Variants in SNX13 observed in about 807,000 individuals in gnomAD.
SNX13 encodes sorting nexin-13.
Under a neutral mutation model 133.6 loss-of-function variants are expected in SNX13, and 45 were observed. The observed-to-expected ratio is 0.34, with a 90% confidence interval of 0.27 to 0.43. The LOEUF (loss-of-function observed/expected upper bound fraction) is 0.43. Among genes scored for constraint, SNX13 ranks in the 20% least tolerant of loss-of-function variants. SNX13 has a pLI of 1.00. For synonymous variants in SNX13, 414 were observed against 373.9 expected, an observed-to-expected ratio of 1.11 and a Z score of -1.24; for missense variants, 1,032 against 1,145.1, an observed-to-expected ratio of 0.90 and a Z score of 1.43.
chr7:17,880,997 G>C (rs897601509), intron 5 of SNX13: 2 of 152,062 alleles, frequency 1.3e-5, no homozygotes, highest in Non-Finnish European at 2.9e-5. Flanking sequence ...TCGCTTGGCA[G>C]TAAAGGCGAT....
intron 11 of SNX13, among the ~76,000 whole-genome samples, chr7:17,847,062 T>C (rs1583460041): frequency 6.6e-6 from 1 of 152,050 alleles, no homozygotes; most frequent in East Asian, 1.9e-4. Context: ...GGATTCAATA[T>C]CAAAAAGTGC....
At chr7:17,929,855 T>TTAGTA (rs2128046015) in intron 1 of SNX13, among the ~76,000 whole-genome samples, 1 of 152,332 alleles carries the variant, frequency 6.6e-6, no homozygotes, top group East Asian at 1.9e-4. Context: ...AATCTCACTC[T>TTAGTA]TAGTATTCAC....
At position 17,816,303 on chromosome 7, in the gene SNX13, T is replaced by C. The variant is rs751421931; in HGVS notation, c.1846-14A>G. On this transcript the variant is annotated splice_polypyrimidine_tract_variant and intron_variant, in intron 18 of 25. Transcript: ENST00000428135. ...GAGACTTTCAAACTGTAAGACAAAA[T>C]ACATTCAATAGCACTTTTTATAAAG... The C allele has an allele frequency of 2.0e-6, 3 of 1,530,182 alleles. No individual in the cohort carries two copies. Among genetic ancestry groups the C allele is most frequent in the East Asian group, 4.9e-5 (2 of 40,562 alleles). 94.8% of individuals were successfully genotyped at this position (1,530,182 alleles called of 1,614,324 possible). A position where few individuals can be genotyped will look rare whatever the true frequency, so the allele number is the denominator to read the frequency against.
rs540653730 is a variant in SNX13 at position 17,827,889 on chromosome 7, G to C, written c.1636-1798C>G. Among the ~76,000 whole-genome samples, 5 of 151,922 alleles carry C rather than the reference G, an allele frequency of 3.3e-5. No homozygotes were observed. In the East Asian group the frequency reaches 9.7e-4, roughly 29 times the overall value. Reference sequence around the variant, plus strand: ...TAGAAGACTCAGAGGAAATGGAACAGTCTACCAAATTCATATTATCTACTA... The same window carrying C: ...TAGAAGACTCAGAGGAAATGGAACACTCTACCAAATTCATATTATCTACTA... On this transcript the variant is annotated intron_variant, in intron 16 of 25. Transcript: ENST00000428135.
chr7:17,933,116 A>G (rs1801589389), intron 1 of SNX13, among the ~76,000 whole-genome samples: 1 of 152,256 alleles, frequency 6.6e-6, no homozygotes, highest in Admixed American at 6.5e-5. Context: ...ATCCTTAATA[A>G]CAGCTTTTCA....
At position 17,791,839 on chromosome 7, in the gene SNX13, A is replaced by G. The variant is rs1290659941; in HGVS notation, c.*2206T>C. 1.3e-5 allele frequency: 2 copies of G among 152,122 alleles called. No individual in the cohort carries two copies. The highest frequency in any genetic ancestry group is 2.9e-5 in the Non-Finnish European group (2 of 67,974). 9.4% of individuals were successfully genotyped at this position (152,122 alleles called of 1,614,324 possible). On this transcript the variant is annotated 3_prime_UTR_variant, in exon 26 of 26. Coordinates refer to ENST00000428135, the MANE Select transcript of SNX13 (RefSeq NM_015132.5). ...ATGACCACAGCTCTTTCTGATGTAAAAGACAGATGTGCATAGAGAAGGTGC... is the reference window on the plus strand; with the variant it reads ...ATGACCACAGCTCTTTCTGATGTAAGAGACAGATGTGCATAGAGAAGGTGC...
chr7:17,912,091 A>G (rs754702346), intron 1 of SNX13, among the ~76,000 whole-genome samples: 17 of 152,228 alleles, frequency 1.1e-4, no homozygotes, highest in Non-Finnish European at 2.1e-4. Flanking sequence ...TCAACTCTGC[A>G]AGCTTTAATT....
chr7:17,937,655 T>G (rs904687187), intron 1 of SNX13, among the ~76,000 whole-genome samples: 1 of 152,146 alleles, frequency 6.6e-6, no homozygotes. Context: ...AAAAATAGTA[T>G]GCTGATTTTA....
At chr7:17,937,708 T>C (rs1802275281) in intron 1 of SNX13, among the ~76,000 whole-genome samples, 1 of 152,150 alleles carries the variant, frequency 6.6e-6, no homozygotes, top group African/African-American at 2.4e-5. Context: ...CACTGAGTCA[T>C]AAAAAGCACA....
chr7:17,807,969 C>A (rs1305183583), intron 20 of SNX13, among the ~76,000 whole-genome samples: 4 of 152,222 alleles, frequency 2.6e-5, no homozygotes, highest in Admixed American at 1.3e-4. Context: ...ACATCAAAGA[C>A]CAAAGGTAGA....
intron 1 of SNX13, chr7:17,907,264 T>C (rs1399050874): frequency 3.9e-5 from 6 of 152,154 alleles, no homozygotes; most frequent in Admixed American, 6.5e-5. Flanking sequence ...CTCTAAATCT[T>C]CTAAGCCCAG....
chr7:17,914,223 G>A lies in SNX13; in HGVS notation c.13-16777C>T, dbSNP rs571217931. ...AATGGGAGAAAAAAAAAAAGACTTC[G>A]AGAAATACAGGATTATGTAATGCAA... On this transcript the variant is annotated intron_variant, in intron 1 of 25. Transcript: ENST00000428135. 9.4e-4 allele frequency among the ~76,000 whole-genome samples: 142 copies of A among 151,284 alleles called. 2 individuals are homozygous for A. The Middle Eastern group carries it at 0.027, about 29-fold the overall frequency.
intron 20 of SNX13, among the ~76,000 whole-genome samples, chr7:17,809,727 A>G (rs1785776974): frequency 6.6e-6 from 1 of 152,046 alleles, no homozygotes; most frequent in Admixed American, 6.5e-5. Context: ...GAAGTAAAAC[A>G]CTCCTCAGCA....
At chr7:17,883,482 C>A (rs1225545844) in intron 5 of SNX13, among the ~76,000 whole-genome samples, 2 of 152,112 alleles carry the variant, frequency 1.3e-5, no homozygotes, top group African/African-American at 4.8e-5. Context: ...CTGGACATTT[C>A]TTCTATAGTG....
At chr7:17,861,756 A>G (rs1343245551) in intron 9 of SNX13, among the ~76,000 whole-genome samples, 1 of 152,182 alleles carries the variant, frequency 6.6e-6, no homozygotes, top group Non-Finnish European at 1.5e-5. Context: ...GAATCATGAG[A>G]AAAGGGATGC....
chr7:17,879,221 T>C (rs561787346), intron 5 of SNX13, among the ~76,000 whole-genome samples: 38 of 152,338 alleles, frequency 2.5e-4, no homozygotes, highest in African/African-American at 8.9e-4. Context: ...TCTTTTTCAA[T>C]AGAGTCTCGC....
In SNX13 at chr7:17,875,723, G is replaced by C. The variant is rs370125156; in HGVS notation, c.508C>G (p.Arg170Gly). 7.7e-5 allele frequency: 124 copies of C among 1,612,290 alleles called. No homozygotes were observed. Among genetic ancestry groups the C allele is most frequent in the Non-Finnish European group, 8.5e-5 (100 of 1,179,094 alleles). The change falls in exon 6 of 26, where the codon CGA becomes GGA. Residue 170 changes from arginine (R) to glycine (G), a missense_variant. Coordinates refer to ENST00000428135, the MANE Select transcript of SNX13 (RefSeq NM_015132.5). ...RIVDDFGTHL[R>G]VFRKAQQKIT... is the part of the protein sequence containing the mutation. ...TTCTGTTGAGCCTTTCTGAATACTC[G>C]TAAGTGTGTGCCAAAGTCATCTACA...
chr7:17,897,242 C>T, intron 2 of SNX13, 92 bp downstream of exon 2: 2 of 634,816 alleles, frequency 3.2e-6, no homozygotes, highest in Non-Finnish European at 4.8e-6. Flanking sequence ...ATGGCATTCA[C>T]AAATAAATCA....
chr7:17,793,802 G>C lies in SNX13; in HGVS notation c.*243C>G, dbSNP rs1425937911. 1 of 370,210 alleles carries C rather than the reference G, an allele frequency of 2.7e-6. No individual in the cohort carries two copies. The highest frequency in any genetic ancestry group is 4.7e-5 in the East Asian group (1 of 21,500). The allele number at this position is 370,210 out of a possible 1,614,324, so 22.9% of individuals were successfully genotyped here. ...CCAACGCCATTCTTGCTTGAGATGG[G>C]GGCAGTTTTCTCTCAATGTTGCAAA... On this transcript the variant is annotated 3_prime_UTR_variant, in exon 26 of 26. Transcript: ENST00000428135.
Sources: allele counts gnomAD v4.1 joint callset (sites outside exome capture counted in the v4.1 genomes callset), GRCh38; gene constraint gnomAD v4.1.1; transcripts MANE v1.5; gene names NCBI Gene and HGNC (gene_info 2026-07-23, HGNC 2026-07-21).